RGS7: variants seen among roughly 807,000 people sequenced by gnomAD.
RGS7 encodes the protein regulator of G protein signaling 7.
RGS7 carries 27 observed loss-of-function variants against 81.1 expected under a neutral mutation model. That is an observed-to-expected ratio of 0.33 (90% CI 0.25 to 0.46). The LOEUF is 0.46. Among genes scored for constraint, RGS7 ranks in the 20% least tolerant of loss-of-function variants. The pLI is 1.00. For synonymous variants in RGS7, 208 were observed against 207.7 expected (o/e 1.00, Z -0.01); for missense variants, 396 against 607.4 (o/e 0.65, Z 3.66).
At position 241,112,406 on chromosome 1, in the gene RGS7, T is replaced by C. The variant is rs529048874; in HGVS notation, c.79-13644A>G. 9.2e-5 allele frequency among the ~76,000 whole-genome samples: 14 copies of C among 152,216 alleles called. 1 individual carries two copies. The South Asian group carries it at 2.9e-3, about 32-fold the overall frequency. ...GGGTCCATCCAGCTGGCTTAGTCCA[T>C]GAAACAATACCATGTTTCTAACTAC... On this transcript the variant is annotated intron_variant, in intron 2 of 18. Coordinates refer to ENST00000440928, the MANE Select transcript of RGS7 (RefSeq NM_001364886.1).
At chr1:240,998,619 G>A (rs1442022790) in intron 3 of RGS7, 3 of 894,628 alleles carry the variant, frequency 3.4e-6, no homozygotes, top group African/African-American at 1.6e-5. Flanking sequence ...CATTGCAGAG[G>A]AGGCTCCCCA....
At chr1:241,284,400 AG>A (rs1211655449) in intron 2 of RGS7, among the ~76,000 whole-genome samples, 2 of 150,990 alleles carry the variant, frequency 1.3e-5, no homozygotes, top group African/African-American at 2.4e-5. Flanking sequence ...AGTGTTTGGC[AG>A]GGGGGGTTGT....
Position 241,164,309 on chromosome 1 carries a change from T to C in RGS7, c.79-65547A>G, listed in dbSNP as rs769777493. Among the ~76,000 whole-genome samples, 3 of 151,902 alleles carry C rather than the reference T, an allele frequency of 2.0e-5. No homozygotes were observed. The highest frequency in any genetic ancestry group is 4.4e-5 in the Non-Finnish European group (3 of 67,996). On this transcript the variant is annotated intron_variant, in intron 2 of 18. Coordinates refer to ENST00000440928, the MANE Select transcript of RGS7 (RefSeq NM_001364886.1). The surrounding 1 kb of genome is among the most constrained non-coding windows in gnomAD (Gnocchi z 4.1). ...TTTAAGCTTCATTATGTAAGCATGA[T>C]TGACTAAACCTTTGGCCATTGGTGG...
At chr1:241,033,496 ATTATGAGT>A (rs2060186219) in intron 3 of RGS7, among the ~76,000 whole-genome samples, 2 of 152,076 alleles carry the variant, frequency 1.3e-5, no homozygotes, top group Non-Finnish European at 2.9e-5. Flanking sequence ...TATACAATTC[ATTATGAGT>A]TTTTATATTT....
intron 2 of RGS7, among the ~76,000 whole-genome samples, chr1:241,173,870 A>G (rs1385786816): frequency 6.6e-6 from 1 of 152,220 alleles, no homozygotes; most frequent in East Asian, 1.9e-4. Flanking sequence ...GGAGAATTCC[A>G]GAGATTTATA....
chr1:240,817,022 A>C (rs1480998841), intron 10 of RGS7, among the ~76,000 whole-genome samples: 1 of 152,178 alleles, frequency 6.6e-6, no homozygotes, highest in African/African-American at 2.4e-5. Flanking sequence ...GGCGTCATGC[A>C]TCTTCGGAAT....
At chr1:240,967,579 G>GGC (rs1553370015) in intron 4 of RGS7, among the ~76,000 whole-genome samples, 2 of 74,214 alleles carry the variant, frequency 2.7e-5, no homozygotes, top group African/African-American at 7.4e-5. Context: ...GGGGGGGGGG[G>GGC]GGAAAAGGCT....
intron 10 of RGS7, 33 bp from the exon 11 acceptor site, chr1:240,816,448 C>T (rs755005127): frequency 4.4e-5 from 60 of 1,359,144 alleles, no homozygotes; most frequent in Admixed American, 6.7e-5. Context: ...CATTTTAGGA[C>T]AAAATACCGT....
intron 2 of RGS7, among the ~76,000 whole-genome samples, chr1:241,217,725 T>G (rs2074655368): frequency 6.6e-6 from 1 of 152,234 alleles, no homozygotes; most frequent in African/African-American, 2.4e-5. Flanking sequence ...AATTACTCAT[T>G]TAACTATGTA....
intron 6 of RGS7, among the ~76,000 whole-genome samples, chr1:240,905,908 G>A: frequency 6.6e-6 from 1 of 152,140 alleles, no homozygotes; most frequent in East Asian, 1.9e-4. Flanking sequence ...ATTTGTAAAT[G>A]TGCATCTTAA....
At chr1:241,212,039 A>G (rs1281175091) in intron 2 of RGS7, among the ~76,000 whole-genome samples, 1 of 151,704 alleles carries the variant, frequency 6.6e-6, no homozygotes, top group African/African-American at 2.4e-5. Flanking sequence ...ATTATTAATG[A>G]TTATTATTCA....
chr1:241,356,195 G>GGGTGGAAAGGC (rs1167938569), intron 1 of RGS7, among the ~76,000 whole-genome samples: 45 of 151,418 alleles, frequency 3.0e-4, no homozygotes, highest in Non-Finnish European at 4.4e-5. Context: ...TTTCCCCAAA[G>GGGTGGAAAGGC]GGTGGAAAGG....
chr1:240,943,215 A>G (rs550208670), intron 4 of RGS7, among the ~76,000 whole-genome samples: 1 of 152,338 alleles, frequency 6.6e-6, no homozygotes, highest in Non-Finnish European at 1.5e-5. Context: ...ATTTCCAAAA[A>G]AGGAGCAGAG....
chr1:240,988,487 T>C (rs1238034298), intron 3 of RGS7, among the ~76,000 whole-genome samples: 2 of 152,196 alleles, frequency 1.3e-5, no homozygotes, highest in Admixed American at 1.3e-4. Context: ...AGTGATTTGC[T>C]TAAAGCTAGC....
chr1:240,779,466 T>C (rs1426373534), intron 18 of RGS7, among the ~76,000 whole-genome samples: 1 of 150,798 alleles, frequency 6.6e-6, no homozygotes. Flanking sequence ...AGTGCTCTTA[T>C]AAAAGAGGCC....
intron 3 of RGS7, among the ~76,000 whole-genome samples, chr1:241,086,017 G>A (rs1376757430): frequency 6.6e-6 from 1 of 152,194 alleles, no homozygotes; most frequent in Non-Finnish European, 1.5e-5. Context: ...CAGGAACTGT[G>A]GGCTCTGTGC....
At position 241,144,384 on chromosome 1, in the gene RGS7, T is replaced by C. The variant is rs2068146017; in HGVS notation, c.79-45622A>G. Among the ~76,000 whole-genome samples the C allele has an allele frequency of 6.6e-6, 1 of 152,182 alleles. No individual in the cohort carries two copies. On this transcript the variant is annotated intron_variant, in intron 2 of 18. Coordinates refer to ENST00000440928, the MANE Select transcript of RGS7 (RefSeq NM_001364886.1). This position sits in a 1 kb window ranked among gnomAD's most constrained non-coding sequence, Gnocchi z 4.7. ...CACTGCAGGTAAGACCCACTACTAC[T>C]AGTCTCACAGTTTCACAGTGATGTT...
Position 241,067,525 on chromosome 1 carries a change from T to TC in RGS7, c.175+31140_175+31141insG, listed in dbSNP as rs1219904203. On this transcript the variant is annotated intron_variant, in intron 3 of 18. Transcript: ENST00000440928. The stretch of plus-strand genomic sequence containing the variant: ...TACAGAAACCTACTGAATAATGAGA[T>TC]TTTTTTTTTTTTGAGATGGAGTCTC... Among the ~76,000 whole-genome samples the TC allele has an allele frequency of 5.8e-3, 5 of 864 alleles. No individual in the cohort carries two copies. In the Admixed American group the frequency reaches 0.075, roughly 13 times the overall value. The allele number at this position is 864 out of a possible 152,430, so 0.6% of individuals were successfully genotyped here.
chr1:240,782,006 C>A (rs1281981338), intron 18 of RGS7, among the ~76,000 whole-genome samples: 1 of 147,352 alleles, frequency 6.8e-6, no homozygotes, highest in Non-Finnish European at 1.5e-5. Flanking sequence ...TAGAGTGAGA[C>A]TCCGTCTCAA....
Sources: allele counts gnomAD v4.1 joint callset (sites outside exome capture counted in the v4.1 genomes callset), GRCh38; gene constraint gnomAD v4.1.1; non-coding constraint Gnocchi (gnomAD v3.1); transcripts MANE v1.5; gene names NCBI Gene and HGNC (gene_info 2026-07-23, HGNC 2026-07-21).